PABPC4L: variants seen among roughly 807,000 people sequenced by gnomAD.
PABPC4L encodes the protein poly(A) binding protein cytoplasmic 4 like, also known as polyadenylate-binding protein 4-like.
For synonymous variants in PABPC4L, 169 were observed against 164.1 expected, an observed-to-expected ratio of 1.03 and a Z score of -0.23; for missense variants, 452 against 451.4, an observed-to-expected ratio of 1.00 and a Z score of -0.01.
chr4:134,128,632 G>A, the PABPC4L span, among the ~76,000 whole-genome samples: 1 of 152,028 alleles, frequency 6.6e-6, no homozygotes, highest in African/African-American at 2.4e-5. Context: ...TATCAAGCCA[G>A]CACTACCAGA....
chr4:134,179,749 A>C, the PABPC4L span, among the ~76,000 whole-genome samples: 1 of 152,242 alleles, frequency 6.6e-6, no homozygotes, highest in Middle Eastern at 3.4e-3. Flanking sequence ...TAATTGGTTT[A>C]AAGATACTTT....
At chr4:133,966,989 G>GA in the PABPC4L span, among the ~76,000 whole-genome samples, 1 of 151,926 alleles carries the variant, frequency 6.6e-6, no homozygotes, top group Admixed American at 6.6e-5. Flanking sequence ...TGAGAAACTA[G>GA]AAAAAACAAG....
the PABPC4L span, among the ~76,000 whole-genome samples, chr4:133,993,276 G>A: frequency 5.6e-4 from 85 of 152,096 alleles, no homozygotes; most frequent in Admixed American, 1.6e-3. Context: ...GAATGAACAC[G>A]TTCTACTGTG....
chr4:134,078,967 C>CTTTT, the PABPC4L span, among the ~76,000 whole-genome samples: 1 of 63,784 alleles, frequency 1.6e-5, no homozygotes, highest in African/African-American at 6.6e-5. Context: ...CGTGCCCGGG[C>CTTTT]TTTTTTTTTT....
chr4:133,959,461 T>C, the PABPC4L span, among the ~76,000 whole-genome samples: 2 of 151,814 alleles, frequency 1.3e-5, no homozygotes, highest in Non-Finnish European at 2.9e-5. Flanking sequence ...CCAGAAAGAG[T>C]GAACTATAAA....
At chr4:133,999,920 A>C in the PABPC4L span, among the ~76,000 whole-genome samples, 1 of 152,130 alleles carries the variant, frequency 6.6e-6, no homozygotes, top group Non-Finnish European at 1.5e-5. Context: ...TTGATATTAC[A>C]AAGTAATATC....
At chr4:134,041,385 T>C in the PABPC4L span, among the ~76,000 whole-genome samples, 1 of 152,060 alleles carries the variant, frequency 6.6e-6, no homozygotes, top group Non-Finnish European at 1.5e-5. Context: ...CATGGAATAC[T>C]AGGCAGCCAT....
chr4:134,084,668 G>T, the PABPC4L span, among the ~76,000 whole-genome samples: 1 of 152,150 alleles, frequency 6.6e-6, no homozygotes, highest in Middle Eastern at 3.4e-3. Context: ...GGAATAAAAG[G>T]AAAGAAAAGA....
At chr4:133,981,054 G>C in the PABPC4L span, among the ~76,000 whole-genome samples, 1 of 152,114 alleles carries the variant, frequency 6.6e-6, no homozygotes, top group Non-Finnish European at 1.5e-5. Context: ...TCAGCTACTA[G>C]GGAGGTTGAG....
chr4:134,146,979 T>A, the PABPC4L span, among the ~76,000 whole-genome samples: 2 of 152,082 alleles, frequency 1.3e-5, no homozygotes, highest in Non-Finnish European at 2.9e-5. Flanking sequence ...ACTTAGGAAT[T>A]TGTCTGTCTT....
chr4:133,996,733 G>C, the PABPC4L span, among the ~76,000 whole-genome samples: 40 of 152,254 alleles, frequency 2.6e-4, no homozygotes, highest in African/African-American at 9.1e-4. Context: ...TGACAGCCCA[G>C]GTAGGGGACC....
At chr4:134,035,986 A>G in the PABPC4L span, among the ~76,000 whole-genome samples, 4 of 152,078 alleles carry the variant, frequency 2.6e-5, no homozygotes, top group South Asian at 2.1e-4. Context: ...CAAGAACAAC[A>G]TGAGGAAAAC....
the PABPC4L span, among the ~76,000 whole-genome samples, chr4:134,007,044 A>T: frequency 2.0e-5 from 3 of 151,914 alleles, no homozygotes; most frequent in Non-Finnish European, 2.9e-5. Flanking sequence ...TACAAGCAGC[A>T]TAAAGGATAA....
the PABPC4L span, among the ~76,000 whole-genome samples, chr4:133,986,534 A>G: frequency 2.6e-5 from 4 of 152,324 alleles, no homozygotes; most frequent in South Asian, 2.1e-4. Flanking sequence ...ATTGTCTACA[A>G]TGTCAATGAT....
chr4:133,985,038 G>A, the PABPC4L span, among the ~76,000 whole-genome samples: 17 of 151,844 alleles, frequency 1.1e-4, no homozygotes, highest in Admixed American at 1.1e-3. Flanking sequence ...ACTTTCATAG[G>A]AAGAAATGCT....
chr4:134,147,971 C>A, the PABPC4L span, among the ~76,000 whole-genome samples: 9 of 152,154 alleles, frequency 5.9e-5, no homozygotes, highest in East Asian at 1.5e-3. Flanking sequence ...AGTCACACTT[C>A]ATAATTTCAC....
At chr4:134,132,930 A>T in the PABPC4L span, among the ~76,000 whole-genome samples, 2 of 145,738 alleles carry the variant, frequency 1.4e-5, no homozygotes, top group Admixed American at 7.0e-5. Flanking sequence ...TATATAAATT[A>T]TACATTATAT....
At chr4:134,060,945 G>C in the PABPC4L span, among the ~76,000 whole-genome samples, 1 of 152,074 alleles carries the variant, frequency 6.6e-6, no homozygotes, top group Non-Finnish European at 1.5e-5. Flanking sequence ...GGGAGTGAGG[G>C]AGGATGTCAG....
chr4:134,104,624 C>A, the PABPC4L span, among the ~76,000 whole-genome samples: 1 of 151,564 alleles, frequency 6.6e-6, no homozygotes, highest in African/African-American at 2.4e-5. Context: ...TGCTCACAGG[C>A]CAAAATATGG....
Sources: gnomAD v4.1 joint callset for allele counts (sites outside exome capture counted in the v4.1 genomes callset) on GRCh38, gnomAD v4.1.1 for gene constraint, MANE v1.5 for transcripts, NCBI Gene and HGNC (gene_info 2026-07-23, HGNC 2026-07-21) for gene names.